DNAAF5: variants seen among roughly 807,000 people sequenced by gnomAD.
DNAAF5 encodes the protein HEAT repeat containing 2.
Under a neutral mutation model 75.8 loss-of-function variants are expected in DNAAF5, and 64 were observed. That is an observed-to-expected ratio of 0.84 (90% CI 0.69 to 1.04). The LOEUF (loss-of-function observed/expected upper bound fraction) is 1.04, where lower values mean the gene tolerates loss of function less well. DNAAF5 is among the 50% of genes least tolerant of loss of function. The pLI is 0.00. For synonymous variants in DNAAF5, 657 were observed against 557.2 expected, an observed-to-expected ratio of 1.18 and a Z score of -2.52; for missense variants, 1,269 against 1,178.5, an observed-to-expected ratio of 1.08 and a Z score of -1.12.
At chr7:774,026 A>C (rs1583517243) in intron 9 of DNAAF5, 22 bp from the exon 10 acceptor site, 1 of 1,613,576 alleles carries the variant, frequency 6.2e-7, no homozygotes, top group Non-Finnish European at 8.5e-7. Flanking sequence ...CTCCTCATCC[A>C]CCCTCTCCGT....
At chr7:774,948 A>AC (rs1403751350) in intron 10 of DNAAF5, 58 bp from the exon 11 acceptor site, 1 of 1,527,284 alleles carries the variant, frequency 6.5e-7, no homozygotes, top group Non-Finnish European at 9.1e-7. Flanking sequence ...GATGGTGAGC[A>AC]CCCCCACCCC....
chr7:754,956 C>T lies in DNAAF5; in HGVS notation c.1257+135C>T, dbSNP rs1782438433. On this transcript the variant is annotated intron_variant, in intron 5 of 12. Transcript: ENST00000297440. This position sits in a 1 kb window ranked among gnomAD's most constrained non-coding sequence, Gnocchi z 4.8. The stretch of plus-strand genomic sequence containing the variant: ...CTCACCCCCGGGCCGCAGGCCCTCC[C>T]CACACCCAGCCCCTGGGAACAACTG... 15 of 637,062 alleles carry T rather than the reference C, an allele frequency of 2.4e-5. 1 individual carries two copies. The South Asian group carries it at 3.1e-4, about 13-fold the overall frequency. 39.5% of individuals were successfully genotyped at this position (637,062 alleles called of 1,614,324 possible).
intron 2 of DNAAF5, among the ~76,000 whole-genome samples, chr7:731,391 C>G (rs1345868931): frequency 6.6e-6 from 1 of 152,224 alleles, no homozygotes; most frequent in Admixed American, 6.5e-5. Context: ...TACTGGAACT[C>G]TATTGCTAGC....
At chr7:759,844 G>A (rs890342371) in intron 6 of DNAAF5, among the ~76,000 whole-genome samples, 3 of 152,184 alleles carry the variant, frequency 2.0e-5, no homozygotes, top group African/African-American at 7.2e-5. Flanking sequence ...AAACGCACCT[G>A]CCTTTTGATT....
intron 2 of DNAAF5, among the ~76,000 whole-genome samples, chr7:730,575 A>G (rs1781532008): frequency 1.3e-5 from 2 of 151,966 alleles, no homozygotes; most frequent in African/African-American, 4.8e-5. Flanking sequence ...TTGAAGAGTC[A>G]CTCGGGGTAT....
chr7:740,892 AGCTCATCCCTCT>A lies in DNAAF5; in HGVS notation c.858_869del (p.Ile287_Leu290del). ...CGTGACCGTTACTCCTTCTTCCACA[AGCTCATCCCTCT>A]GCTGCTCAGTAGCCTCAACGACGAG... On this transcript the variant is annotated inframe_deletion, in exon 3 of 13. Transcript: ENST00000297440. 1 of 1,613,912 alleles carries A rather than the reference AGCTCATCCCTCT, an allele frequency of 6.2e-7. No homozygotes were observed. Among genetic ancestry groups the A allele is most frequent in the African/African-American group, 1.3e-5 (1 of 75,010 alleles).
At chr7:783,469 A>T (rs1310106509) in intron 12 of DNAAF5, among the ~76,000 whole-genome samples, 1 of 152,118 alleles carries the variant, frequency 6.6e-6, no homozygotes, top group Non-Finnish European at 1.5e-5. Flanking sequence ...AGACCCTCTG[A>T]AGGGTCCTGG....
Position 770,551 on chromosome 7 carries a change from C to A in DNAAF5, c.1864C>A (p.Arg622Ser), listed in dbSNP as rs375502832. Residue 622 changes from arginine (R) to serine (S), a missense_variant, in exon 9 of 13, where the codon CGC (arginine) becomes AGC (serine). Physicochemically the swap from Arg to Ser is moderately radical, Grantham distance 110 (BLOSUM62 -1). Coordinates refer to ENST00000297440, the MANE Select transcript of DNAAF5 (RefSeq NM_017802.4). ...CLQPSQDPQM[R>S]LKLFSILSTV... ...GCAGCCCTCCCAAGACCCGCAGATG[C>A]GCCTGAAGCTGTTCTCCATCCTGTC... 6.8e-6 allele frequency: 11 copies of A among 1,613,790 alleles called. No homozygotes were observed. Among genetic ancestry groups the A allele is most frequent in the East Asian group, 4.5e-5 (2 of 44,886 alleles).
In DNAAF5 at chr7:764,261, T is replaced by G. The variant is rs540740748; in HGVS notation, c.1783+287T>G. The stretch of plus-strand genomic sequence containing the variant: ...TGGCCTGTTTTGTAGCCTGGCTTCT[T>G]AAATACGTCTGGATTTTGTTGCAGA... On this transcript the variant is annotated intron_variant, in intron 8 of 12. Transcript: ENST00000297440. Among the ~76,000 whole-genome samples, 10 of 152,348 alleles carry G rather than the reference T, an allele frequency of 6.6e-5. No individual in the cohort carries two copies. The South Asian group carries it at 2.1e-3, about 32-fold the overall frequency.
chr7:779,806 G>T, intron 11 of DNAAF5, 147 bp from the exon 12 acceptor site: 1 of 669,792 alleles, frequency 1.5e-6, no homozygotes, highest in Non-Finnish European at 2.5e-6. Context: ...ATGTGGCTCG[G>T]GATGCACGGA....
At chr7:744,003 T>C (rs1782004815) in intron 4 of DNAAF5, among the ~76,000 whole-genome samples, 1 of 151,988 alleles carries the variant, frequency 6.6e-6, no homozygotes, top group Non-Finnish European at 1.5e-5. Flanking sequence ...GTTAGTTACA[T>C]ATGTATACAT....
intron 2 of DNAAF5, among the ~76,000 whole-genome samples, chr7:738,200 G>A (rs1280046510): frequency 1.3e-5 from 2 of 152,162 alleles, no homozygotes; most frequent in Non-Finnish European, 2.9e-5. Context: ...CTGCTGTTGA[G>A]AGGCTCCAAT....
intron 5 of DNAAF5, among the ~76,000 whole-genome samples, chr7:755,680 A>G (rs1004339335): frequency 1.3e-5 from 2 of 152,166 alleles, no homozygotes; most frequent in Non-Finnish European, 2.9e-5. Flanking sequence ...TCAGTGAGCT[A>G]TGATTGCGCC....
At chr7:734,613 T>A (rs1413538680) in intron 2 of DNAAF5, among the ~76,000 whole-genome samples, 1 of 152,260 alleles carries the variant, frequency 6.6e-6, no homozygotes, top group Admixed American at 6.5e-5. Context: ...GAGGTATTCC[T>A]TCCTCTTCTA....
intron 7 of DNAAF5, among the ~76,000 whole-genome samples, chr7:763,216 A>G (rs1366907140): frequency 6.6e-6 from 1 of 152,152 alleles, no homozygotes; most frequent in Non-Finnish European, 1.5e-5. Flanking sequence ...GGTACCAGCA[A>G]AAGCAAAGTC....
intron 12 of DNAAF5, among the ~76,000 whole-genome samples, chr7:780,971 G>A (rs1778921973): frequency 6.6e-6 from 1 of 152,034 alleles, no homozygotes; most frequent in African/African-American, 2.4e-5. Flanking sequence ...CATGCAGTGT[G>A]TGTAAATCAC....
At chr7:732,510 G>C (rs139946272) in intron 2 of DNAAF5, 1 of 456,110 alleles carries the variant, frequency 2.2e-6, no homozygotes, top group Non-Finnish European at 4.4e-6. Flanking sequence ...CACCAGGCCT[G>C]TTCTTGTCAA....
intron 9 of DNAAF5, chr7:772,829 C>G (rs1014716397): frequency 6.6e-6 from 1 of 152,134 alleles, no homozygotes; most frequent in Non-Finnish European, 1.5e-5. Flanking sequence ...GCCTGGGCAG[C>G]AAGAGCGAGA....
chr7:765,138 C>T lies in DNAAF5; in HGVS notation c.1783+1164C>T, dbSNP rs964214949. Among the ~76,000 whole-genome samples, 3 of 152,136 alleles carry T rather than the reference C, an allele frequency of 2.0e-5. No homozygotes were observed. The East Asian group carries it at 5.8e-4, about 29-fold the overall frequency. ...CCTGTCTCTAAAACCAAACAAAAAA[C>T]AAAGCTGGCGATTGCTGACGTGCAC... On this transcript the variant is annotated intron_variant, in intron 8 of 12. Coordinates refer to ENST00000297440, the MANE Select transcript of DNAAF5 (RefSeq NM_017802.4).
Sources: allele counts gnomAD v4.1 joint callset (sites outside exome capture counted in the v4.1 genomes callset), GRCh38; gene constraint gnomAD v4.1.1; non-coding constraint Gnocchi (gnomAD v3.1); transcripts MANE v1.5; gene names NCBI Gene and HGNC (gene_info 2026-07-23, HGNC 2026-07-21).